The following LGMN variants were observed in gnomAD, a reference collection of about 807,000 sequenced individuals.
The protein encoded by LGMN is asparaginyl endopeptidase.
A neutral mutation model predicts 56.8 loss-of-function variants in LGMN; 36 were observed. The observed-to-expected ratio is 0.63, with a 90% CI of 0.49 to 0.84. The LOEUF (loss-of-function observed/expected upper bound fraction) is 0.84. LGMN is among the 40% of genes least tolerant of loss of function. LGMN has a pLI of 0.00. For synonymous variants in LGMN, 199 were observed against 210.1 expected, an observed-to-expected ratio of 0.95 and a Z score of 0.46; for missense variants, 446 against 556.1, an observed-to-expected ratio of 0.80 and a Z score of 1.99.
intron 1 of LGMN, among the ~76,000 whole-genome samples, chr14:92,740,289 A>G (rs775872975): frequency 2.6e-5 from 4 of 152,218 alleles, no homozygotes; most frequent in African/African-American, 4.8e-5. Context: ...AGAGACTGGG[A>G]TGTGTTGCGG....
At chr14:92,744,458 T>A (rs1891723230) in intron 1 of LGMN, among the ~76,000 whole-genome samples, 1 of 152,228 alleles carries the variant, frequency 6.6e-6, no homozygotes, top group Non-Finnish European at 1.5e-5. Context: ...AATTCAGTAT[T>A]TCTAATCTAC....
Position 92,716,120 on chromosome 14 carries a change from C to T in LGMN, c.404+16G>A, listed in dbSNP as rs557645471. On this transcript the variant is annotated intron_variant, in intron 5 of 13. Coordinates refer to ENST00000334869, the MANE Select transcript of LGMN (RefSeq NM_005606.7). ...AAGCCATTGAGAGAAGTGTAGTATC[C>T]GTAAACAGACATTACCTCTTCAGGA... 13 of 1,558,330 alleles carry T rather than the reference C, an allele frequency of 8.3e-6. No homozygotes were observed. The highest frequency in any genetic ancestry group is 3.4e-5 in the Admixed American group (2 of 58,832).
chr14:92,723,135 C>T (rs910095353), intron 2 of LGMN, among the ~76,000 whole-genome samples: 2 of 152,118 alleles, frequency 1.3e-5, no homozygotes, highest in Non-Finnish European at 2.9e-5. Flanking sequence ...CAACCTCCGC[C>T]TCCCGGGTGC....
At chr14:92,726,571 T>C (rs993703986) in intron 2 of LGMN, among the ~76,000 whole-genome samples, 1 of 152,186 alleles carries the variant, frequency 6.6e-6, no homozygotes, top group Non-Finnish European at 1.5e-5. Flanking sequence ...ATTGGTGACA[T>C]GGCGCCTGTC....
intron 2 of LGMN, among the ~76,000 whole-genome samples, chr14:92,729,545 A>C (rs892807363): frequency 4.1e-5 from 6 of 147,330 alleles, no homozygotes; most frequent in Non-Finnish European, 8.9e-5. Flanking sequence ...GGTCAAGACA[A>C]AACAAGGTTT....
At chr14:92,734,256 G>A (rs1361869443) in intron 1 of LGMN, among the ~76,000 whole-genome samples, 1 of 152,234 alleles carries the variant, frequency 6.6e-6, no homozygotes, top group Non-Finnish European at 1.5e-5. Context: ...GTTGGCCAGA[G>A]CTGGGACCAT....
chr14:92,746,902 G>A (rs187682697), intron 1 of LGMN, among the ~76,000 whole-genome samples: 4 of 152,268 alleles, frequency 2.6e-5, no homozygotes, highest in Admixed American at 2.0e-4. Context: ...CGGGCGTGGT[G>A]GCGGGCGCCT....
In LGMN at chr14:92,704,695, A is replaced by G. The variant is rs1889336694; in HGVS notation, c.1204T>C (p.Leu402=). ...TTGACCAGCACGTACAAATGTCTCA[A>G]CGCATACTCGTACTGGGAGAAAACA... ...NWHSPTYEYA[L]RHLYVLVNLC... The change falls in exon 13 of 14, where the codon TTG becomes CTG. Residue 402 remains leucine (L), a synonymous_variant. Transcript: ENST00000334869. 6.2e-7 allele frequency: 1 copy of G among 1,613,240 alleles called. No homozygotes were observed. Among genetic ancestry groups the G allele is most frequent in the African/African-American group, 1.3e-5 (1 of 75,042 alleles).
chr14:92,740,801 C>T (rs1236815172), intron 1 of LGMN, among the ~76,000 whole-genome samples: 1 of 152,208 alleles, frequency 6.6e-6, no homozygotes, highest in Non-Finnish European at 1.5e-5. Flanking sequence ...CAGACTTCAC[C>T]AGCCTCCAAT....
chr14:92,747,909 G>T (rs1470764905), intron 1 of LGMN, among the ~76,000 whole-genome samples: 3 of 152,090 alleles, frequency 2.0e-5, no homozygotes, highest in African/African-American at 7.2e-5. Context: ...AAATAGGGAC[G>T]GGAAAGGAAA....
At chr14:92,745,131 C>G (rs780756374) in intron 1 of LGMN, among the ~76,000 whole-genome samples, 2 of 151,942 alleles carry the variant, frequency 1.3e-5, no homozygotes, top group Non-Finnish European at 2.9e-5. Flanking sequence ...GACCCAGTCT[C>G]TACAAAAAAC....
At chr14:92,730,964 T>G (rs1337998894) in intron 2 of LGMN, among the ~76,000 whole-genome samples, 1 of 151,970 alleles carries the variant, frequency 6.6e-6, no homozygotes, top group Non-Finnish European at 1.5e-5. Flanking sequence ...TTATTAAAAT[T>G]AATTTCACCT....
At chr14:92,747,701 C>G (rs992130517) in intron 1 of LGMN, among the ~76,000 whole-genome samples, 1 of 152,116 alleles carries the variant, frequency 6.6e-6, no homozygotes, top group East Asian at 1.9e-4. Context: ...TAGTAAGGCT[C>G]GAAAATGTTT....
chr14:92,712,055 A>G (rs927705342), intron 8 of LGMN, 100 bp from the exon 9 acceptor site: 1 of 894,534 alleles, frequency 1.1e-6, no homozygotes, highest in Non-Finnish European at 1.8e-6. Flanking sequence ...AAATCGAAGC[A>G]TGCTACTTAT....
chr14:92,723,078 G>T (rs547324287), intron 2 of LGMN, among the ~76,000 whole-genome samples: 3,301 of 149,678 alleles, frequency 0.022, 136 homozygotes, highest in African/African-American at 0.077. Context: ...ACAGAGTCTT[G>T]TTCTGTCGCC....
At chr14:92,725,324 G>A (rs148330107) in intron 2 of LGMN, among the ~76,000 whole-genome samples, 3 of 152,252 alleles carry the variant, frequency 2.0e-5, no homozygotes, top group African/African-American at 4.8e-5. Context: ...TGAGGAAAGA[G>A]GATCACTTGA....
At chr14:92,728,461 A>C (rs909356985) in intron 2 of LGMN, among the ~76,000 whole-genome samples, 1 of 152,234 alleles carries the variant, frequency 6.6e-6, no homozygotes, top group African/African-American at 2.4e-5. Context: ...AATGGAACAC[A>C]ATGGCAAGTA....
At position 92,714,562 on chromosome 14, in the gene LGMN, C is replaced by G; in HGVS notation, c.405-111G>C. On this transcript the variant is annotated intron_variant, in intron 5 of 13. Coordinates refer to ENST00000334869, the MANE Select transcript of LGMN (RefSeq NM_005606.7). This position sits in a 1 kb window ranked among gnomAD's most constrained non-coding sequence, Gnocchi z 5.1. ...AAGAAGTTTGGGGAGTAGAGTTGCC[C>G]AACCAGGTTTGAAGATGAACACAAG... 1 of 754,560 alleles carries G rather than the reference C, an allele frequency of 1.3e-6. No individual in the cohort carries two copies. The allele number at this position is 754,560 out of a possible 1,614,324, so 46.7% of individuals were successfully genotyped here.
intron 3 of LGMN, among the ~76,000 whole-genome samples, chr14:92,718,371 C>T (rs561231124): frequency 6.6e-6 from 1 of 152,220 alleles, no homozygotes; most frequent in South Asian, 2.1e-4. Flanking sequence ...GTCAGGAGTT[C>T]AAGACCAGCC....
Sources: allele counts gnomAD v4.1 joint callset (sites outside exome capture counted in the v4.1 genomes callset), GRCh38; gene constraint gnomAD v4.1.1; non-coding constraint Gnocchi (gnomAD v3.1); transcripts MANE v1.5; gene names NCBI Gene and HGNC (gene_info 2026-07-23, HGNC 2026-07-21).